LRP1B: variants seen among roughly 807,000 people sequenced by gnomAD.
LRP1B encodes low-density lipoprotein receptor-related protein 1B.
A neutral mutation model predicts 556.6 loss-of-function variants in LRP1B; 217 were observed. That is an observed-to-expected ratio of 0.39 (90% CI 0.35 to 0.44). The LOEUF (loss-of-function observed/expected upper bound fraction) is 0.44, where lower values mean the gene tolerates loss of function less well. Ranked by LOEUF, LRP1B falls within the 20% of genes least tolerant of loss-of-function variation. LRP1B has a pLI of 1.00. For synonymous variants in LRP1B, 2,047 were observed against 1,865.8 expected (o/e 1.10, Z -2.50); for missense variants, 5,053 against 5,620.8 (o/e 0.90, Z 3.23).
intron 7 of LRP1B, among the ~76,000 whole-genome samples, chr2:141,150,924 T>C (rs990497245): frequency 6.0e-5 from 9 of 150,010 alleles, no homozygotes; most frequent in African/African-American, 1.7e-4. Context: ...TTTGCCATGC[T>C]ATTTTAACTT....
intron 1 of LRP1B, among the ~76,000 whole-genome samples, chr2:141,850,622 CTGTGTGTGTGTG>C (rs70994458): frequency 1.1e-4 from 15 of 141,176 alleles, no homozygotes; most frequent in South Asian, 2.3e-4. Context: ...AGCATAAACT[CTGTGTGTGTGTG>C]TGTGTGTGTG....
chr2:140,461,690 T>G (rs948650061), intron 60 of LRP1B, among the ~76,000 whole-genome samples: 2 of 151,772 alleles, frequency 1.3e-5, no homozygotes, highest in Admixed American at 6.6e-5. Flanking sequence ...CCAAAATAGC[T>G]GGGCATGGTG....
chr2:141,856,923 A>T (rs915354640), intron 1 of LRP1B, among the ~76,000 whole-genome samples: 2 of 152,132 alleles, frequency 1.3e-5, no homozygotes, highest in Non-Finnish European at 2.9e-5. Context: ...AAAAAAAAAA[A>T]AAAGTTTGAA....
intron 3 of LRP1B, among the ~76,000 whole-genome samples, chr2:141,425,764 GTTGT>G (rs1170968914): frequency 1.3e-5 from 2 of 151,990 alleles, no homozygotes; most frequent in African/African-American, 4.8e-5. Context: ...TTTTGATGGA[GTTGT>G]TTGTTTTTTT....
intron 41 of LRP1B, 28 bp from the exon 42 acceptor site, chr2:140,601,667 T>C (rs775684814): frequency 2.0e-6 from 3 of 1,494,412 alleles, no homozygotes; most frequent in Non-Finnish European, 2.7e-6. Flanking sequence ...AGAAAAAATA[T>C]ATACTTTTAT....
Position 141,549,161 on chromosome 2 carries a change from G to C in LRP1B, c.206-68628C>G, listed in dbSNP as rs1169139635. Among the ~76,000 whole-genome samples the C allele has an allele frequency of 7.2e-5, 11 of 152,274 alleles. No individual in the cohort carries two copies. The South Asian group carries it at 1.7e-3, about 23-fold the overall frequency. ...ACAAATTTTGGAGTTAGACAACAAA[G>C]TTTCAATCTTAATTCTATGAATTGG... On this transcript the variant is annotated intron_variant, in intron 2 of 90. Coordinates refer to ENST00000389484, the MANE Select transcript of LRP1B (RefSeq NM_018557.3).
At chr2:141,093,040 C>T (rs542873357) in intron 7 of LRP1B, among the ~76,000 whole-genome samples, 1 of 137,740 alleles carries the variant, frequency 7.3e-6, no homozygotes, top group Non-Finnish European at 1.6e-5. Context: ...GGAGTCAAGA[C>T]TTTTTTGTTG....
At chr2:140,307,900 T>C (rs1401120) in intron 83 of LRP1B, among the ~76,000 whole-genome samples, 43,246 of 151,558 alleles carry the variant, frequency 0.29, 6,322 homozygotes, top group Admixed American at 0.4. Flanking sequence ...GTAATAAAAA[T>C]TAAGTAACAT....
intron 3 of LRP1B, among the ~76,000 whole-genome samples, chr2:141,305,133 AT>A (rs1173079378): frequency 2.0e-5 from 3 of 152,150 alleles, no homozygotes; most frequent in Non-Finnish European, 4.4e-5. Context: ...TGACATTGGC[AT>A]TTTGATAGGG....
intron 17 of LRP1B, among the ~76,000 whole-genome samples, chr2:140,988,584 G>T (rs1283343580): frequency 6.6e-6 from 1 of 152,076 alleles, no homozygotes; most frequent in African/African-American, 2.4e-5. Context: ...GAAATCAAAA[G>T]TGCAGAGAGG....
At chr2:140,750,231 G>A (rs975192275) in intron 35 of LRP1B, among the ~76,000 whole-genome samples, 13 of 152,024 alleles carry the variant, frequency 8.6e-5, no homozygotes, top group African/African-American at 2.9e-4. Context: ...AAGAATCAAT[G>A]TTTCCAGTGG....
chr2:141,745,123 T>A (rs955133160), intron 2 of LRP1B, among the ~76,000 whole-genome samples: 2 of 152,164 alleles, frequency 1.3e-5, no homozygotes, highest in Admixed American at 1.3e-4. Flanking sequence ...CTAATGAGAC[T>A]GCTCTGAGTC....
chr2:140,605,727 C>A (rs1433525276), intron 41 of LRP1B, among the ~76,000 whole-genome samples: 1 of 138,992 alleles, frequency 7.2e-6, no homozygotes, highest in East Asian at 2.4e-4. Flanking sequence ...CATAGTTTTT[C>A]TAGTATACGG....
At chr2:140,703,741 TC>T (rs951397400) in intron 37 of LRP1B, among the ~76,000 whole-genome samples, 7 of 152,142 alleles carry the variant, frequency 4.6e-5, no homozygotes, top group African/African-American at 1.7e-4. Flanking sequence ...AATGCTTAGC[TC>T]CCACTTATAA....
chr2:141,782,514 C>CTTTTTTTT (rs5834867), intron 2 of LRP1B, among the ~76,000 whole-genome samples: 12 of 97,846 alleles, frequency 1.2e-4, no homozygotes, highest in African/African-American at 2.6e-4. Flanking sequence ...TTCTATTTTC[C>CTTTTTTTT]TTTTTTTTTT....
At chr2:140,591,466 C>T (rs1188684820) in intron 43 of LRP1B, among the ~76,000 whole-genome samples, 2 of 152,242 alleles carry the variant, frequency 1.3e-5, no homozygotes, top group Non-Finnish European at 2.9e-5. Context: ...AAGATCACTG[C>T]TGTCAGGAGA....
chr2:141,291,873 A>AC (rs1462629763), intron 3 of LRP1B, among the ~76,000 whole-genome samples: 78 of 89,618 alleles, frequency 8.7e-4, no homozygotes, highest in African/African-American at 2.2e-3. Context: ...AAAAAAAAAA[A>AC]AAAAAAAAAA....
At chr2:140,650,061 A>G (rs1010615231) in intron 41 of LRP1B, among the ~76,000 whole-genome samples, 2 of 152,236 alleles carry the variant, frequency 1.3e-5, no homozygotes, top group South Asian at 2.1e-4. Flanking sequence ...CTGATCATAA[A>G]GAAATATATA....
intron 84 of LRP1B, among the ~76,000 whole-genome samples, chr2:140,297,493 T>C (rs1180195589): frequency 1.3e-5 from 2 of 151,956 alleles, no homozygotes; most frequent in Non-Finnish European, 2.9e-5. Flanking sequence ...TCAGGAGAGA[T>C]GGAGAATTGG....
Sources: gnomAD v4.1 joint callset for allele counts (sites outside exome capture counted in the v4.1 genomes callset) on GRCh38, gnomAD v4.1.1 for gene constraint, MANE v1.5 for transcripts, NCBI Gene and HGNC (gene_info 2026-07-23, HGNC 2026-07-21) for gene names.